The following OPN3 variants were observed in gnomAD, a reference collection of about 807,000 sequenced individuals.
The protein encoded by OPN3 is opsin-3.
Under a neutral mutation model 33.8 loss-of-function variants are expected in OPN3, and 29 were observed. The ratio of observed to expected loss-of-function variants is 0.86; its 90% confidence interval spans 0.64 to 1.17. The LOEUF (loss-of-function observed/expected upper bound fraction) is 1.17. Ranked by LOEUF, OPN3 falls within the 50% of genes most tolerant of loss-of-function variation. The pLI is 0.00. For missense variants in OPN3, 437 were observed against 514.1 expected, an observed-to-expected ratio of 0.85 and a Z score of 1.45; for synonymous variants, 216 against 216.1, an observed-to-expected ratio of 1.00 and a Z score of 0.00.
rs1208292835 is a variant in OPN3 at position 241,639,910 on chromosome 1, C to G, written c.345G>C (p.Val115=). Residue 115 remains valine, a synonymous_variant, in exon 1 of 4, where the codon GTG becomes GTC. Transcript: ENST00000366554. ...NGWVWDTVGC[V]WDGFSGSLFG... The stretch of plus-strand genomic sequence containing the variant: ...AGAGGCTGCCGCTAAACCCGTCCCA[C>G]ACGCAGCCCACGGTGTCCCACACCC... The G allele has an allele frequency of 6.3e-7, 1 of 1,596,832 alleles. No individual in the cohort carries two copies. Among genetic ancestry groups the G allele is most frequent in the African/African-American group, 1.4e-5 (1 of 73,610 alleles).
chr1:241,634,177 G>A (rs1664772834), intron 1 of OPN3: 3 of 1,613,942 alleles, frequency 1.9e-6, no homozygotes, highest in Non-Finnish European at 2.5e-6. Flanking sequence ...TATACGGAGT[G>A]AATAATTTCT....
At chr1:241,601,348 G>A (rs1178997704) in intron 2 of OPN3, among the ~76,000 whole-genome samples, 1 of 147,652 alleles carries the variant, frequency 6.8e-6, no homozygotes, top group South Asian at 2.2e-4. Context: ...TTTTAAAAAG[G>A]AGAACTAAGT....
chr1:241,626,104 CTT>C (rs1664412248), intron 1 of OPN3, among the ~76,000 whole-genome samples: 1 of 152,196 alleles, frequency 6.6e-6, no homozygotes, highest in Non-Finnish European at 1.5e-5. Flanking sequence ...CTCATATAGG[CTT>C]ACCCTAAAAC....
chr1:241,638,236 C>G (rs542766847), intron 1 of OPN3, among the ~76,000 whole-genome samples: 1 of 152,178 alleles, frequency 6.6e-6, no homozygotes, highest in South Asian at 2.1e-4. Flanking sequence ...TAGAAAATCA[C>G]TGGGCTGGGA....
chr1:241,634,834 A>G, intron 1 of OPN3: 1 of 1,612,886 alleles, frequency 6.2e-7, no homozygotes, highest in Non-Finnish European at 8.5e-7. Context: ...GGTATTCATC[A>G]GGATGTTGTT....
At position 241,634,333 on chromosome 1, in the gene OPN3, T is replaced by C. The variant is rs375680469; in HGVS notation, c.373+5549A>G. On this transcript the variant is annotated intron_variant, in intron 1 of 3. Coordinates refer to ENST00000366554, the MANE Select transcript of OPN3 (RefSeq NM_014322.3). ...AAGCTCCTGGCTCTGCTGGAGGAAC[T>C]ATCAGAATGGAAGTCTGCTGATCTA... is the stretch of plus-strand genomic sequence containing the variant. 72 of 1,613,904 alleles carry C rather than the reference T, an allele frequency of 4.5e-5. No homozygotes were observed. Among genetic ancestry groups the C allele is most frequent in the Non-Finnish European group, 6.1e-5 (72 of 1,179,930 alleles).
intron 1 of OPN3, chr1:241,633,547 G>A: frequency 2.1e-6 from 1 of 486,458 alleles, no homozygotes; most frequent in South Asian, 2.5e-5. Context: ...CTAAAATAAA[G>A]CTAACTCTGT....
Position 241,640,368 on chromosome 1 carries a change from C to T in OPN3, c.-114G>A. The T allele has an allele frequency of 9.9e-6, 10 of 1,012,580 alleles. No individual in the cohort carries two copies. The South Asian group carries it at 4.7e-4, about 48-fold the overall frequency. The allele number at this position is 1,012,580 out of a possible 1,614,324, so 62.7% of individuals were successfully genotyped here. ...CGCCGCCTGCTCTAGCCATTGTGCA[C>T]TGAGGGGCCCGCGCTACCGCGCGCC... On this transcript the variant is annotated 5_prime_UTR_variant, in exon 1 of 4. In the 5' UTR this introduces an upstream ATG that the reference lacks. Transcript: ENST00000366554.
At chr1:241,624,871 G>C (rs566110823) in intron 1 of OPN3, among the ~76,000 whole-genome samples, 60 of 149,620 alleles carry the variant, frequency 4.0e-4, no homozygotes, top group African/African-American at 1.4e-3. Flanking sequence ...CTTACCAGCT[G>C]TGTGATCTTG....
At chr1:241,604,686 G>A (rs999460218) in intron 1 of OPN3, 107 bp from the exon 2 acceptor site, 9 of 984,396 alleles carry the variant, frequency 9.1e-6, no homozygotes, top group African/African-American at 8.2e-5. Context: ...ATCTGAGATC[G>A]ATAGAGTGCT....
intron 1 of OPN3, among the ~76,000 whole-genome samples, chr1:241,607,146 C>T (rs1053076489): frequency 6.6e-6 from 1 of 151,952 alleles, no homozygotes; most frequent in Non-Finnish European, 1.5e-5. Context: ...AATTAATAAG[C>T]GAAATTTACT....
At chr1:241,636,273 C>G (rs181930924) in intron 1 of OPN3, among the ~76,000 whole-genome samples, 2 of 152,294 alleles carry the variant, frequency 1.3e-5, no homozygotes, top group Non-Finnish European at 1.5e-5. Context: ...TCCCAAGAAT[C>G]AGGCAACATA....
At chr1:241,609,462 T>A (rs1663928340) in intron 1 of OPN3, among the ~76,000 whole-genome samples, 1 of 152,246 alleles carries the variant, frequency 6.6e-6, no homozygotes, top group Non-Finnish European at 1.5e-5. Context: ...GGTAAAGTGA[T>A]GTCTGTGCCT....
chr1:241,605,055 C>CAAAAAAA (rs35256239), intron 1 of OPN3, among the ~76,000 whole-genome samples: 1 of 126,376 alleles, frequency 7.9e-6, no homozygotes, highest in African/African-American at 3.0e-5. Context: ...GACCTTATCT[C>CAAAAAAA]AAAAAAAAAA....
chr1:241,624,561 A>G (rs929458461), intron 1 of OPN3, among the ~76,000 whole-genome samples: 4 of 152,230 alleles, frequency 2.6e-5, no homozygotes, highest in Non-Finnish European at 1.5e-5. Context: ...TTGTGCATCA[A>G]TGTCAGGCCC....
intron 1 of OPN3, among the ~76,000 whole-genome samples, chr1:241,628,652 T>C (rs1664494872): frequency 6.6e-6 from 1 of 152,198 alleles, no homozygotes. Flanking sequence ...TCTATTACTA[T>C]TCCTTAATGG....
intron 1 of OPN3, chr1:241,632,661 T>C (rs1664690747): frequency 6.6e-6 from 1 of 152,054 alleles, no homozygotes; most frequent in Admixed American, 6.6e-5. Flanking sequence ...TTACAGAAAA[T>C]TGTTACTTCA....
chr1:241,628,509 G>A (rs12045407), intron 1 of OPN3, among the ~76,000 whole-genome samples: 5 of 152,118 alleles, frequency 3.3e-5, no homozygotes, highest in East Asian at 3.9e-4. Context: ...AACCAGGTTC[G>A]GTCACATCTA....
chr1:241,625,868 C>T (rs997018781), intron 1 of OPN3, among the ~76,000 whole-genome samples: 5 of 152,178 alleles, frequency 3.3e-5, no homozygotes, highest in African/African-American at 1.2e-4. Flanking sequence ...TATGAGGGAG[C>T]TGACCTGCAT....
Sources: gnomAD v4.1 joint callset for allele counts (sites outside exome capture counted in the v4.1 genomes callset) on GRCh38, gnomAD v4.1.1 for gene constraint, MANE v1.5 for transcripts, NCBI Gene and HGNC (gene_info 2026-07-23, HGNC 2026-07-21) for gene names.